Variants in FBXL7 observed in about 807,000 individuals in gnomAD.
The protein encoded by FBXL7 is F-box/LRR-repeat protein 7.
In FBXL7, 12 loss-of-function variants were observed where a neutral mutation model predicts 38.3. The ratio of observed to expected loss-of-function variants is 0.31; its 90% CI spans 0.20 to 0.51. The LOEUF (loss-of-function observed/expected upper bound fraction) is 0.51, where lower values mean the gene tolerates loss of function less well. Ranked by LOEUF, FBXL7 falls within the 20% of genes least tolerant of loss-of-function variation. FBXL7 has a pLI of 0.98. For missense variants in FBXL7, 567 were observed against 676.4 expected, an observed-to-expected ratio of 0.84 and a Z score of 1.79; for synonymous variants, 297 against 300.9, an observed-to-expected ratio of 0.99 and a Z score of 0.13.
rs371293320 is a variant in FBXL7 at position 15,777,720 on chromosome 5, T to TAAAAAAAAAA, written c.128-150153_128-150144dup. ...TATTGTTTGCAAACCCCTATTCTGG[T>TAAAAAAAAAA]AAAAAAAAAAAAAAAAAAAAAAAAA... is the stretch of plus-strand genomic sequence containing the variant. On this transcript the variant is annotated intron_variant, in intron 2 of 3. Transcript: ENST00000504595. Among the ~76,000 whole-genome samples, 76 of 82,512 alleles carry TAAAAAAAAAA rather than the reference T, an allele frequency of 9.2e-4. 3 individuals carry two copies. Among genetic ancestry groups the TAAAAAAAAAA allele is most frequent in the African/African-American group, 3.2e-3 (56 of 17,718 alleles). The allele number at this position is 82,512 out of a possible 152,430, so 54.1% of individuals were successfully genotyped here.
chr5:15,599,001 T>A (rs1739709927), intron 1 of FBXL7, among the ~76,000 whole-genome samples: 1 of 152,198 alleles, frequency 6.6e-6, no homozygotes, highest in Non-Finnish European at 1.5e-5. Flanking sequence ...AGAAAGATTC[T>A]GGTTATCTGT....
At chr5:15,708,033 T>C (rs1367252193) in intron 2 of FBXL7, among the ~76,000 whole-genome samples, 1 of 152,232 alleles carries the variant, frequency 6.6e-6, no homozygotes, top group Non-Finnish European at 1.5e-5. Context: ...TTAAAGTGGC[T>C]GACAGCTATT....
At chr5:15,659,770 T>C (rs751561255) in intron 2 of FBXL7, among the ~76,000 whole-genome samples, 32 of 152,196 alleles carry the variant, frequency 2.1e-4, no homozygotes, top group Non-Finnish European at 4.6e-4. Flanking sequence ...CTAGATATAT[T>C]ATTAAAGGAA....
At chr5:15,613,079 A>C (rs1426994959) in intron 1 of FBXL7, among the ~76,000 whole-genome samples, 1 of 152,188 alleles carries the variant, frequency 6.6e-6, no homozygotes, top group African/African-American at 2.4e-5. Flanking sequence ...TCTAAGCAAC[A>C]ATATAATAAA....
intron 2 of FBXL7, among the ~76,000 whole-genome samples, chr5:15,874,527 C>T (rs1740117324): frequency 6.6e-6 from 1 of 152,202 alleles, no homozygotes; most frequent in Non-Finnish European, 1.5e-5. Context: ...CCCATCATCT[C>T]AGCCCAGAAA....
chr5:15,535,320 C>A (rs1737554625), intron 1 of FBXL7, among the ~76,000 whole-genome samples: 1 of 152,114 alleles, frequency 6.6e-6, no homozygotes, highest in African/African-American at 2.4e-5. Context: ...GGGTAATGGG[C>A]AGAGGTTGGA....
At chr5:15,630,425 C>G (rs898073144) in intron 2 of FBXL7, among the ~76,000 whole-genome samples, 2 of 149,898 alleles carry the variant, frequency 1.3e-5, no homozygotes, top group Non-Finnish European at 3.0e-5. Flanking sequence ...AAGTAACTTT[C>G]ATTTTATTGG....
intron 1 of FBXL7, among the ~76,000 whole-genome samples, chr5:15,609,524 T>C (rs774081086): frequency 6.6e-5 from 10 of 152,332 alleles, no homozygotes; most frequent in Middle Eastern, 3.4e-3. Context: ...GTGTTTCTTA[T>C]TGTTTCCTAA....
intron 2 of FBXL7, among the ~76,000 whole-genome samples, chr5:15,854,517 G>A (rs957598752): frequency 6.6e-6 from 1 of 152,200 alleles, no homozygotes; most frequent in Non-Finnish European, 1.5e-5. Context: ...TGAGATGGGA[G>A]ATCTGGGTTC....
chr5:15,548,403 A>G (rs1359598517), intron 1 of FBXL7, among the ~76,000 whole-genome samples: 4 of 152,234 alleles, frequency 2.6e-5, no homozygotes, highest in Non-Finnish European at 4.4e-5. Flanking sequence ...GAATAAAGTG[A>G]TAATAGTTAA....
chr5:15,866,031 A>T lies in FBXL7; in HGVS notation c.128-61859A>T, dbSNP rs185250914. 3.3e-5 allele frequency among the ~76,000 whole-genome samples: 5 copies of T among 152,270 alleles called. No homozygotes were observed. The East Asian group carries it at 9.7e-4, about 29-fold the overall frequency. On this transcript the variant is annotated intron_variant, in intron 2 of 3. Coordinates refer to ENST00000504595, the MANE Select transcript of FBXL7 (RefSeq NM_012304.5). ...CTTATTATCTTTAAAGATGACAACAATGGGACCCCTTAGACCAGAAGGCCC... is the reference window on the plus strand; with the variant it reads ...CTTATTATCTTTAAAGATGACAACATTGGGACCCCTTAGACCAGAAGGCCC...
chr5:15,670,731 G>A lies in FBXL7; in HGVS notation c.127+54659G>A, dbSNP rs559322917. Among the ~76,000 whole-genome samples the A allele has an allele frequency of 4.5e-4, 69 of 152,198 alleles. 1 individual carries two copies. Among genetic ancestry groups the A allele is most frequent in the African/African-American group, 1.6e-3 (67 of 41,520 alleles). On this transcript the variant is annotated intron_variant, in intron 2 of 3. Coordinates refer to ENST00000504595, the MANE Select transcript of FBXL7 (RefSeq NM_012304.5). ...CAGGAGAATCGCTTGAACCTGAGAGGTGGAGGTTGCAGTGAGCCAAGATCA... is the reference window on the plus strand; with the variant it reads ...CAGGAGAATCGCTTGAACCTGAGAGATGGAGGTTGCAGTGAGCCAAGATCA...
In FBXL7 at chr5:15,872,695, A is replaced by G. The variant is rs556711457; in HGVS notation, c.128-55195A>G. Reference sequence around the variant, plus strand: ...ATCAAAAAAGACAGAAGGACATTACATAATGGTAAAGGGATCACTGCAACA... The same window carrying G: ...ATCAAAAAAGACAGAAGGACATTACGTAATGGTAAAGGGATCACTGCAACA... On this transcript the variant is annotated intron_variant, in intron 2 of 3. Transcript: ENST00000504595. 3.3e-5 allele frequency among the ~76,000 whole-genome samples: 5 copies of G among 152,346 alleles called. No individual in the cohort carries two copies. The East Asian group carries it at 7.7e-4, about 24-fold the overall frequency.
chr5:15,650,529 T>C (rs549788759), intron 2 of FBXL7, among the ~76,000 whole-genome samples: 1 of 152,354 alleles, frequency 6.6e-6, no homozygotes, highest in East Asian at 1.9e-4. Context: ...GTTTACCACA[T>C]TGGTTGACTC....
intron 1 of FBXL7, among the ~76,000 whole-genome samples, chr5:15,513,453 T>G (rs1181387866): frequency 6.6e-6 from 1 of 152,220 alleles, no homozygotes; most frequent in Non-Finnish European, 1.5e-5. Context: ...CTTTTGGAGT[T>G]GGAACTTGAG....
At chr5:15,901,363 A>G (rs1195630215) in intron 2 of FBXL7, among the ~76,000 whole-genome samples, 1 of 152,192 alleles carries the variant, frequency 6.6e-6, no homozygotes, top group Non-Finnish European at 1.5e-5. Flanking sequence ...TCATAAAAGC[A>G]CTAATTCCAT....
At chr5:15,600,429 A>C (rs1739756628) in intron 1 of FBXL7, among the ~76,000 whole-genome samples, 1 of 152,142 alleles carries the variant, frequency 6.6e-6, no homozygotes, top group South Asian at 2.1e-4. Context: ...ATCGGCTTTC[A>C]AGGTTTTTCT....
At chr5:15,750,628 T>G (rs1417229692) in intron 2 of FBXL7, among the ~76,000 whole-genome samples, 1 of 152,218 alleles carries the variant, frequency 6.6e-6, no homozygotes, top group Non-Finnish European at 1.5e-5. Flanking sequence ...TTTCTTGCCT[T>G]TGGGCACCTG....
chr5:15,512,374 G>A (rs919572061), intron 1 of FBXL7, among the ~76,000 whole-genome samples: 1 of 151,810 alleles, frequency 6.6e-6, no homozygotes, highest in Non-Finnish European at 1.5e-5. Flanking sequence ...TCATCCTTCC[G>A]TATATGCACA....
Sources: allele counts gnomAD v4.1 joint callset (sites outside exome capture counted in the v4.1 genomes callset), GRCh38; gene constraint gnomAD v4.1.1; transcripts MANE v1.5; gene names NCBI Gene and HGNC (gene_info 2026-07-23, HGNC 2026-07-21).